MTMR4: variants seen among roughly 807,000 people sequenced by gnomAD.
MTMR4 encodes myotubularin related protein 4.
In MTMR4, 30 loss-of-function variants were observed where a neutral mutation model predicts 125.5. That is an observed-to-expected ratio of 0.24 (90% CI 0.18 to 0.32). The LOEUF is 0.32. MTMR4 is among the 10% of genes least tolerant of loss of function. The pLI, the probability that MTMR4 is intolerant of heterozygous loss-of-function variation, is 1.00. For missense variants in MTMR4, 1,039 were observed against 1,511.5 expected, an observed-to-expected ratio of 0.69 and a Z score of 5.18; for synonymous variants, 498 against 564.5, an observed-to-expected ratio of 0.88 and a Z score of 1.67.
chr17:58,493,195 G>C (rs965744073), intron 15 of MTMR4, among the ~76,000 whole-genome samples: 3 of 152,204 alleles, frequency 2.0e-5, no homozygotes, highest in Non-Finnish European at 2.9e-5. Flanking sequence ...CACTCTTACC[G>C]ATATGCTACA....
intron 14 of MTMR4, 25 bp from the exon 15 acceptor site, chr17:58,496,355 C>G: frequency 1.3e-6 from 2 of 1,568,206 alleles, no homozygotes; most frequent in Non-Finnish European, 1.7e-6. Context: ...ATAACACCTC[C>G]AGGTCAGGAG....
At chr17:58,514,847 A>C (rs1212397800), upstream of MTMR4, 2 of 448,748 alleles carry the variant, frequency 4.5e-6, no homozygotes, top group African/African-American at 4.3e-5. Context: ...CCTTCTTCTA[A>C]GGTGAGCCAC....
At chr17:58,501,554 CGTATATAT>C (rs1187299106) in intron 14 of MTMR4, among the ~76,000 whole-genome samples, 6 of 150,968 alleles carry the variant, frequency 4.0e-5, no homozygotes, top group African/African-American at 1.5e-4. Context: ...CATATATACA[CGTATATAT>C]GTATATATGT....
intron 14 of MTMR4, among the ~76,000 whole-genome samples, chr17:58,497,126 A>C (rs531754659): frequency 6.6e-6 from 1 of 152,342 alleles, no homozygotes; most frequent in East Asian, 1.9e-4. Context: ...CAAAGTCCTT[A>C]GAGCAATGAA....
At position 58,504,258 on chromosome 17, in the gene MTMR4, G is replaced by A. The variant is rs757999269; in HGVS notation, c.1528-38C>T. 6.2e-7 allele frequency: 1 copy of A among 1,603,726 alleles called. No individual in the cohort carries two copies. The highest frequency in any genetic ancestry group is 1.1e-5 in the South Asian group (1 of 90,886). On this transcript the variant is annotated intron_variant, in intron 12 of 17. Transcript: ENST00000682306. The surrounding 1 kb of genome is among the most constrained non-coding windows in gnomAD (Gnocchi z 7.1). ...GAGAGCTTGCACCTGGGGGCCTCGG[G>A]CTGTCATTCCCCCCATCCCTGTTGT...
At chr17:58,516,634 G>C, upstream of MTMR4, 1 of 1,613,014 alleles carries the variant, frequency 6.2e-7, no homozygotes, top group Non-Finnish European at 8.5e-7. Context: ...AGGAGACAGA[G>C]GAACATAAAA....
chr17:58,516,511 G>A (rs1302184568), upstream of MTMR4: 4 of 1,550,918 alleles, frequency 2.6e-6, no homozygotes, highest in South Asian at 2.2e-5. Context: ...GACAGGTGGG[G>A]CAGCTTCACA....
intron 9 of MTMR4, 133 bp downstream of exon 9, chr17:58,506,610 G>T: frequency 9.0e-7 from 1 of 1,107,268 alleles, no homozygotes; most frequent in Non-Finnish European, 1.3e-6. Flanking sequence ...GCCATAGCTA[G>T]TAGGTAGCAA....
intron 14 of MTMR4, among the ~76,000 whole-genome samples, chr17:58,501,190 T>A (rs1402320410): frequency 6.6e-6 from 1 of 152,186 alleles, no homozygotes. Flanking sequence ...ATTCAACCAA[T>A]AACATATGTT....
chr17:58,492,470 G>C (rs749217745), intron 17 of MTMR4, 41 bp downstream of exon 17: 1 of 1,477,542 alleles, frequency 6.8e-7, no homozygotes, highest in Admixed American at 2.1e-5. Context: ...CGCCTGGCCT[G>C]CCCTGTTTTT....
In MTMR4 at chr17:58,512,950, A is replaced by G. The variant is rs1464133795; in HGVS notation, c.46-9T>C. On this transcript the variant is annotated splice_polypyrimidine_tract_variant and intron_variant, in intron 1 of 17. Transcript: ENST00000682306. The surrounding 1 kb of genome is among the most constrained non-coding windows in gnomAD (Gnocchi z 4.1). ...GGGGGCCCCTCCTCACCCTGTAGGA[A>G]GGCCACAGTCCTAAGTCACCAAGCT... 2 of 1,606,182 alleles carry G rather than the reference A, an allele frequency of 1.2e-6. No individual in the cohort carries two copies. The highest frequency in any genetic ancestry group is 2.7e-5 in the African/African-American group (2 of 74,544).
chr17:58,503,282 A>T (rs554036258), intron 14 of MTMR4, among the ~76,000 whole-genome samples: 3 of 152,198 alleles, frequency 2.0e-5, no homozygotes, highest in African/African-American at 7.2e-5. Flanking sequence ...AAACACACAG[A>T]GTGCACTCCA....
chr17:58,499,751 T>C (rs886715263), intron 14 of MTMR4, among the ~76,000 whole-genome samples: 1 of 151,200 alleles, frequency 6.6e-6, no homozygotes, highest in African/African-American at 2.4e-5. Context: ...GCCTCCAGAG[T>C]AGCTGGGACT....
Position 58,491,640 on chromosome 17 carries a change from T to C in MTMR4, c.*23A>G. Reference sequence around the variant, plus strand: ...GATCCTCCCTTCAAACCTGCTAAAATTGGACAGGTTTCTCCCCGGCATTCA... The same window carrying C: ...GATCCTCCCTTCAAACCTGCTAAAACTGGACAGGTTTCTCCCCGGCATTCA... On this transcript the variant is annotated 3_prime_UTR_variant, in exon 18 of 18. Transcript: ENST00000682306. The C allele has an allele frequency of 6.2e-7, 1 of 1,605,930 alleles. No individual in the cohort carries two copies. Among genetic ancestry groups the C allele is most frequent in the Non-Finnish European group, 8.5e-7 (1 of 1,173,936 alleles).
intron 4 of MTMR4, among the ~76,000 whole-genome samples, chr17:58,510,162 C>T (rs923953419): frequency 1.3e-5 from 2 of 152,226 alleles, no homozygotes; most frequent in African/African-American, 2.4e-5. Flanking sequence ...AATCAGATCA[C>T]ATCACTCCTT....
intron 14 of MTMR4, among the ~76,000 whole-genome samples, chr17:58,500,282 A>G (rs1256896730): frequency 6.6e-6 from 1 of 152,110 alleles, no homozygotes; most frequent in Non-Finnish European, 1.5e-5. Flanking sequence ...GCACGCCACC[A>G]TGCCTGGCTA....
Position 58,506,610 on chromosome 17 carries a change from G to C in MTMR4, c.1033+133C>G, listed in dbSNP as rs1486171639. 2.7e-6 allele frequency: 3 copies of C among 1,107,152 alleles called. No individual in the cohort carries two copies. In the African/African-American group the frequency reaches 4.7e-5, roughly 17 times the overall value. The allele number at this position is 1,107,152 out of a possible 1,614,324, so 68.6% of individuals were successfully genotyped here. A position where few individuals can be genotyped will look rare whatever the true frequency, so the allele number is the denominator to read the frequency against. On this transcript the variant is annotated intron_variant, in intron 9 of 17. Transcript: ENST00000682306. ...TTCAGCATAGTCATAGCCATAGCTA[G>C]TAGGTAGCAAAGTTGTGATTACAAG...
Position 58,495,652 on chromosome 17 carries a change from A to G in MTMR4, c.2532T>C (p.Thr844=), listed in dbSNP as rs1396661561. The G allele has an allele frequency of 6.2e-7, 1 of 1,614,168 alleles. No homozygotes were observed. Among genetic ancestry groups the G allele is most frequent in the Admixed American group, 1.7e-5 (1 of 60,018 alleles). ...CTGAGGGATCTTGGTTGAGGAAGTC[A>G]GTGCTTGGGTCTAGAGGAGTTTGGC... ...AACQTPLDPS[T]DFLNQDPSGS... Residue 844 remains threonine (T), a synonymous_variant, in exon 15 of 18, where the codon ACT becomes ACC. Coordinates refer to ENST00000682306, the MANE Select transcript of MTMR4 (RefSeq NM_001378067.1).
chr17:58,514,658 C>A, upstream of MTMR4: 29 of 985,258 alleles, frequency 2.9e-5, no homozygotes, highest in Middle Eastern at 5.2e-4. Context: ...AGGGGAGAGC[C>A]CGGGACCGCG....
Sources: allele counts gnomAD v4.1 joint callset (sites outside exome capture counted in the v4.1 genomes callset), GRCh38; gene constraint gnomAD v4.1.1; non-coding constraint Gnocchi (gnomAD v3.1); transcripts MANE v1.5; gene names NCBI Gene and HGNC (gene_info 2026-07-23, HGNC 2026-07-21).